The following MTOR variants were observed in gnomAD, a reference collection of about 807,000 sequenced individuals.
MTOR encodes serine/threonine-protein kinase mTOR.
A neutral mutation model predicts 319.8 loss-of-function variants in MTOR; 70 were observed. That is an observed-to-expected ratio of 0.22 (90% CI 0.18 to 0.27). The LOEUF (loss-of-function observed/expected upper bound fraction) is 0.27. Among genes scored for constraint, MTOR ranks in the 10% least tolerant of loss-of-function variants. MTOR has a pLI of 1.00. For missense variants in MTOR, 1,890 were observed against 3,274.4 expected, an observed-to-expected ratio of 0.58 and a Z score of 10.32; for synonymous variants, 1,183 against 1,211.4, an observed-to-expected ratio of 0.98 and a Z score of 0.49.
chr1:11,180,865 C>T (rs1179514633), intron 28 of MTOR, among the ~76,000 whole-genome samples: 3 of 151,830 alleles, frequency 2.0e-5, no homozygotes. Context: ...CAACCTCTAC[C>T]TCCCGAGTTC....
chr1:11,246,581 C>T (rs1213030369), intron 8 of MTOR, among the ~76,000 whole-genome samples: 1 of 137,398 alleles, frequency 7.3e-6, no homozygotes, highest in Non-Finnish European at 1.6e-5. Flanking sequence ...ACCTGACCAG[C>T]TACATTTCTC....
intron 9 of MTOR, among the ~76,000 whole-genome samples, chr1:11,242,113 C>G (rs556753710): frequency 1.4e-4 from 22 of 152,260 alleles, no homozygotes; most frequent in African/African-American, 4.8e-4. Flanking sequence ...CCTGTAATCC[C>G]AGCACTCTGG....
rs752812957 is a variant in MTOR at position 11,157,168 on chromosome 1, C to G, written c.4453G>C (p.Glu1485Gln). ...GAAGCTCACCATTCCCCCAAGGCCT[C>G]GAGGCAGCGCATGCGGCCCAGCATC... is the stretch of plus-strand genomic sequence containing the variant. The part of the protein sequence containing the change: ...ELMLGRMRCL[E>Q]ALGEWGQLHQ... Residue 1485 changes from glutamate (E) to glutamine (Q), a missense_variant, in exon 30 of 58, where the codon GAG becomes CAG. Physicochemically the swap from Glu to Gln is conservative, Grantham distance 29. This residue lies in a region of MTOR where 276 missense variants were observed against 459.4 expected (regional missense o/e 0.60). Transcript: ENST00000361445. 6.2e-7 allele frequency: 1 copy of G among 1,609,872 alleles called. No homozygotes were observed.
chr1:11,166,373 C>G (rs1644643359), intron 29 of MTOR, among the ~76,000 whole-genome samples: 1 of 152,158 alleles, frequency 6.6e-6, no homozygotes, highest in African/African-American at 2.4e-5. Context: ...TATCCAGAAT[C>G]TACAAAGAAC....
At position 11,109,149 on chromosome 1, in the gene MTOR, T is replaced by C; in HGVS notation, c.7528+141A>G. 1.5e-6 allele frequency: 1 copy of C among 646,864 alleles called. No homozygotes were observed. The highest frequency in any genetic ancestry group is 2.7e-6 in the Non-Finnish European group (1 of 368,354). The allele number at this position is 646,864 out of a possible 1,614,324, so 40.1% of individuals were successfully genotyped here. ...AGAATCAGAGACAATGTTTAACTGA[T>C]GACCTCAAAGACACTCTTTGTCAGC... On this transcript the variant is annotated intron_variant, in intron 56 of 57. Coordinates refer to ENST00000361445, the MANE Select transcript of MTOR (RefSeq NM_004958.4). The surrounding 1 kb of genome is among the most constrained non-coding windows in gnomAD (Gnocchi z 4.0).
In MTOR at chr1:11,212,234, A is replaced by C; in HGVS notation, c.3561+78T>G. Reference sequence around the variant, plus strand: ...TCTGATGGTGGCTGGCATCAGACAAAGTCTGAGTGGCTCACAGACAAAGTC... The same window carrying C: ...TCTGATGGTGGCTGGCATCAGACAACGTCTGAGTGGCTCACAGACAAAGTC... On this transcript the variant is annotated intron_variant, in intron 23 of 57. Coordinates refer to ENST00000361445, the MANE Select transcript of MTOR (RefSeq NM_004958.4). This position sits in a 1 kb window ranked among gnomAD's most constrained non-coding sequence, Gnocchi z 4.1. 6.7e-7 allele frequency: 1 copy of C among 1,494,996 alleles called. No homozygotes were observed. 92.6% of individuals were successfully genotyped at this position (1,494,996 alleles called of 1,614,324 possible). A position where few individuals can be genotyped will look rare whatever the true frequency, so the allele number is the denominator to read the frequency against.
intron 13 of MTOR, among the ~76,000 whole-genome samples, chr1:11,236,206 G>A (rs187806929): frequency 1.1e-3 from 166 of 148,958 alleles, no homozygotes; most frequent in Non-Finnish European, 2.0e-3. Flanking sequence ...GCACAATCAC[G>A]GCTCACTGCA....
At chr1:11,232,209 A>C (rs1307931493) in intron 16 of MTOR, among the ~76,000 whole-genome samples, 2 of 152,210 alleles carry the variant, frequency 1.3e-5, no homozygotes, top group African/African-American at 4.8e-5. Flanking sequence ...ACAAAATGGC[A>C]CTAGTCAGCC....
chr1:11,243,019 C>CA, intron 9 of MTOR, 95 bp downstream of exon 9: 3 of 1,399,192 alleles, frequency 2.1e-6, no homozygotes, highest in Non-Finnish European at 9.9e-7. Context: ...TTTAATGATG[C>CA]AAAAAATGGG....
In MTOR at chr1:11,204,708, G is replaced by A. The variant is rs2100765525; in HGVS notation, c.3802-5C>T. The A allele has an allele frequency of 6.2e-7, 1 of 1,613,470 alleles. No homozygotes were observed. The highest frequency in any genetic ancestry group is 8.5e-7 in the Non-Finnish European group (1 of 1,179,664). Reference sequence around the variant, plus strand: ...CCTCCTGGCAGCGCCCCAGGCCTGTGATCCCACAGGTGACAATGGAAAACA... The same window carrying A: ...CCTCCTGGCAGCGCCCCAGGCCTGTAATCCCACAGGTGACAATGGAAAACA... On this transcript the variant is annotated splice_region_variant and splice_polypyrimidine_tract_variant and intron_variant, in intron 25 of 57. Coordinates refer to ENST00000361445, the MANE Select transcript of MTOR (RefSeq NM_004958.4).
chr1:11,228,576 G>A, intron 19 of MTOR, 92 bp downstream of exon 19: 8 of 1,522,546 alleles, frequency 5.3e-6, no homozygotes, highest in Non-Finnish European at 7.1e-6. Flanking sequence ...CAGGGGCACA[G>A]AGAATGCACA....
intron 54 of MTOR, 78 bp downstream of exon 54, chr1:11,112,774 C>A: frequency 6.8e-7 from 1 of 1,461,750 alleles, no homozygotes. Flanking sequence ...GATGCACCCA[C>A]CGACTGAAGC....
rs748905797 is a variant in MTOR, at chr1:11,243,146, T to G, written c.1380A>C (p.Arg460=). 6.2e-7 allele frequency: 1 copy of G among 1,614,078 alleles called. No individual in the cohort carries two copies. Residue 460 remains arginine (R), a synonymous_variant, in exon 9 of 58, where the codon CGA becomes CGC. Transcript: ENST00000361445. ...CGAAGTCCTTTGGGGGCAGGGCCGCTCGGATGATGTCCAGCACGCGAGGCA... is the reference window on the plus strand; with the variant it reads ...CGAAGTCCTTTGGGGGCAGGGCCGCGCGGATGATGTCCAGCACGCGAGGCA... ...VYLPRVLDII[R]AALPPKDFAH...
chr1:11,116,558 C>T (rs1200310567), intron 50 of MTOR, among the ~76,000 whole-genome samples: 1 of 152,222 alleles, frequency 6.6e-6, no homozygotes, highest in African/African-American at 2.4e-5. Context: ...GATCCTCCCA[C>T]CTCAGCCTCC....
chr1:11,191,591 GA>G (rs1645532907), intron 28 of MTOR, among the ~76,000 whole-genome samples: 2 of 152,150 alleles, frequency 1.3e-5, no homozygotes, highest in Admixed American at 1.3e-4. Context: ...TTAGAATACA[GA>G]GCTTAAATCC....
At chr1:11,136,471 G>C (rs1336483424) in intron 36 of MTOR, among the ~76,000 whole-genome samples, 2 of 152,088 alleles carry the variant, frequency 1.3e-5, no homozygotes, top group African/African-American at 4.8e-5. Context: ...AGTGATAAAT[G>C]TTCCTTTAAT....
chr1:11,171,472 T>C (rs946517013), intron 28 of MTOR, among the ~76,000 whole-genome samples: 3 of 151,710 alleles, frequency 2.0e-5, no homozygotes, highest in Non-Finnish European at 4.4e-5. Context: ...AATTTTAACA[T>C]TACCGAAGCT....
At chr1:11,242,200 C>T (rs2100917892) in intron 9 of MTOR, among the ~76,000 whole-genome samples, 1 of 152,010 alleles carries the variant, frequency 6.6e-6, no homozygotes, top group Admixed American at 6.5e-5. Flanking sequence ...CCCGCCTCTA[C>T]TAAAAATACA....
At chr1:11,111,980 A>AAAC (rs758326414) in intron 54 of MTOR, among the ~76,000 whole-genome samples, 9 of 151,680 alleles carry the variant, frequency 5.9e-5, no homozygotes, top group South Asian at 2.1e-4. Flanking sequence ...ACAAACAAAC[A>AAAC]AAAAAACCCC....
Sources: gnomAD v4.1 joint callset for allele counts (sites outside exome capture counted in the v4.1 genomes callset) on GRCh38, gnomAD v4.1.1 for gene constraint, gnomAD v4.1.1 regional missense constraint, Gnocchi (gnomAD v3.1) non-coding constraint, MANE v1.5 for transcripts, NCBI Gene and HGNC (gene_info 2026-07-23, HGNC 2026-07-21) for gene names.